Variants in ZNF804B observed in about 807,000 individuals in gnomAD.
ZNF804B encodes the protein zinc finger 804B.
A neutral mutation model predicts 101.4 loss-of-function variants in ZNF804B; 80 were observed. That is an observed-to-expected ratio of 0.79 (90% confidence interval 0.66 to 0.95). The LOEUF is 0.95. Ranked by LOEUF, ZNF804B falls within the 40% of genes least tolerant of loss-of-function variation. The pLI, the probability that ZNF804B is intolerant of heterozygous loss-of-function variation, is 0.00. For synonymous variants in ZNF804B, 622 were observed against 558.8 expected (o/e 1.11, Z -1.59); for missense variants, 1,673 against 1,561.9 (o/e 1.07, Z -1.20).
chr7:89,267,364 A>C (rs2115828799), intron 2 of ZNF804B, among the ~76,000 whole-genome samples: 1 of 152,298 alleles, frequency 6.6e-6, no homozygotes, highest in South Asian at 2.1e-4. Context: ...GGTGGTTGCA[A>C]GTGACAAATC....
intron 1 of ZNF804B, among the ~76,000 whole-genome samples, chr7:88,948,889 G>A (rs1020761888): frequency 4.6e-5 from 7 of 151,766 alleles, no homozygotes; most frequent in African/African-American, 1.5e-4. Context: ...TTTCTAGTCC[G>A]CGATCACAGA....
intron 1 of ZNF804B, among the ~76,000 whole-genome samples, chr7:88,926,938 G>GCGGCA (rs113089451): frequency 1.4e-5 from 2 of 142,600 alleles, no homozygotes; most frequent in South Asian, 4.4e-4. Flanking sequence ...CCGGGTGGTG[G>GCGGCA]GGAGCGGGGG....
At chr7:89,290,590 G>A (rs2115895509) in intron 2 of ZNF804B, among the ~76,000 whole-genome samples, 1 of 152,202 alleles carries the variant, frequency 6.6e-6, no homozygotes, top group South Asian at 2.1e-4. Context: ...TACTCCCCGG[G>A]GGTCTGTAGT....
chr7:89,336,491 A>C lies in ZNF804B; in HGVS notation c.3509A>C (p.Gln1170Pro). Residue 1170 changes from glutamine (Q) to proline (P), a missense_variant, in exon 4 of 4, where the codon CAG (glutamine) becomes CCG (proline). By Grantham distance (76) the Gln-to-Pro change is moderately conservative (BLOSUM62 -1). Transcript: ENST00000333190. Reference protein sequence around the residue: ...ILQLQAQQHMQKQLLSKHLRV... With the variant: ...ILQLQAQQHMPKQLLSKHLRV... ...CAGCTACAAGCCCAGCAGCATATGC[A>C]GAAGCAACTCCTATCAAAGCATCTT... The C allele has an allele frequency of 6.2e-7, 1 of 1,614,104 alleles. No homozygotes were observed. Among genetic ancestry groups the C allele is most frequent in the Non-Finnish European group, 8.5e-7 (1 of 1,180,008 alleles).
chr7:89,292,599 G>GA (rs1206266428), intron 2 of ZNF804B, among the ~76,000 whole-genome samples: 6 of 151,566 alleles, frequency 4.0e-5, no homozygotes, highest in Admixed American at 2.0e-4. Flanking sequence ...CATACCATGA[G>GA]AAAAAATCAC....
chr7:88,913,974 A>G (rs1426472240), intron 1 of ZNF804B, among the ~76,000 whole-genome samples: 1 of 152,186 alleles, frequency 6.6e-6, no homozygotes, highest in Non-Finnish European at 1.5e-5. Flanking sequence ...AAACTTGTAG[A>G]CTTTTCCAAA....
At chr7:88,986,362 A>C (rs1793759762) in intron 1 of ZNF804B, among the ~76,000 whole-genome samples, 1 of 152,092 alleles carries the variant, frequency 6.6e-6, no homozygotes, top group African/African-American at 2.4e-5. Flanking sequence ...TACCTTGTCT[A>C]TTTCCCTGCT....
intron 1 of ZNF804B, among the ~76,000 whole-genome samples, chr7:89,000,914 T>A (rs2116171588): frequency 6.8e-6 from 1 of 147,872 alleles, no homozygotes; most frequent in African/African-American, 2.5e-5. Context: ...TATAGAATAA[T>A]ATATCTAATA....
In ZNF804B at chr7:88,782,607, T is replaced by A. The variant is rs185636817; in HGVS notation, c.108+22523T>A. Reference sequence around the variant, plus strand: ...AGGAGTCTCCTTCATCAAAGAGATATTTTGATGCTTCTTGTAGAAACACAC... The same window carrying A: ...AGGAGTCTCCTTCATCAAAGAGATAATTTGATGCTTCTTGTAGAAACACAC... On this transcript the variant is annotated intron_variant, in intron 1 of 3. Coordinates refer to ENST00000333190, the MANE Select transcript of ZNF804B (RefSeq NM_181646.5). Among the ~76,000 whole-genome samples, 3 of 152,164 alleles carry A rather than the reference T, an allele frequency of 2.0e-5. No homozygotes were observed. The South Asian group carries it at 6.2e-4, about 32-fold the overall frequency.
At chr7:88,821,378 G>A (rs945155769) in intron 1 of ZNF804B, among the ~76,000 whole-genome samples, 1 of 152,052 alleles carries the variant, frequency 6.6e-6, no homozygotes, top group Non-Finnish European at 1.5e-5. Flanking sequence ...GACTTTACTC[G>A]ATATTTTCAG....
chr7:89,138,203 G>C (rs1322345394), intron 1 of ZNF804B, among the ~76,000 whole-genome samples: 2 of 152,088 alleles, frequency 1.3e-5, no homozygotes, highest in African/African-American at 2.4e-5. Flanking sequence ...TGTGGGATCA[G>C]AGCCCCCGCA....
intron 1 of ZNF804B, among the ~76,000 whole-genome samples, chr7:89,062,741 T>A (rs1789398691): frequency 1.3e-5 from 2 of 152,096 alleles, no homozygotes; most frequent in Non-Finnish European, 2.9e-5. Flanking sequence ...AGTCAACTCA[T>A]GCTTTTATTT....
At chr7:88,863,826 A>G (rs979235) in intron 1 of ZNF804B, among the ~76,000 whole-genome samples, 38,356 of 151,958 alleles carry the variant, frequency 0.25, 6,597 homozygotes, top group African/African-American at 0.5. Flanking sequence ...AGAAACAAGC[A>G]TGGCAGTTGG....
chr7:89,154,519 C>CT (rs1292937557), intron 1 of ZNF804B, among the ~76,000 whole-genome samples: 1 of 152,102 alleles, frequency 6.6e-6, no homozygotes, highest in East Asian at 1.9e-4. Flanking sequence ...CAATGGAGTA[C>CT]TATTCAGCCA....
intron 2 of ZNF804B, among the ~76,000 whole-genome samples, chr7:89,257,889 C>CA (rs1554385200): frequency 6.6e-6 from 1 of 151,732 alleles, no homozygotes; most frequent in Admixed American, 6.6e-5. Flanking sequence ...TGTAATCACT[C>CA]TTTTTTTTCC....
chr7:89,206,476 G>C (rs563717635), intron 1 of ZNF804B, among the ~76,000 whole-genome samples: 1 of 152,284 alleles, frequency 6.6e-6, no homozygotes, highest in Admixed American at 6.5e-5. Flanking sequence ...TGCTGGCCAG[G>C]CACGGTGGCT....
chr7:88,785,790 A>G (rs1302640088), intron 1 of ZNF804B, among the ~76,000 whole-genome samples: 1 of 152,050 alleles, frequency 6.6e-6, no homozygotes, highest in Non-Finnish European at 1.5e-5. Flanking sequence ...AAGTACATAA[A>G]ATCTCCTCTG....
At chr7:88,890,676 G>T (rs1792202273) in intron 1 of ZNF804B, among the ~76,000 whole-genome samples, 1 of 151,992 alleles carries the variant, frequency 6.6e-6, no homozygotes. Context: ...CACGTTTTAT[G>T]GTGACATTTT....
intron 1 of ZNF804B, among the ~76,000 whole-genome samples, chr7:88,859,199 GTGTT>G (rs996043195): frequency 3.9e-5 from 6 of 152,144 alleles, no homozygotes; most frequent in Non-Finnish European, 4.4e-5. Context: ...GTGCATGTGT[GTGTT>G]TGTGTGTGTG....
Sources: allele counts gnomAD v4.1 joint callset (sites outside exome capture counted in the v4.1 genomes callset), GRCh38; gene constraint gnomAD v4.1.1; transcripts MANE v1.5; gene names NCBI Gene and HGNC (gene_info 2026-07-23, HGNC 2026-07-21).